AOAH: variants seen among roughly 807,000 people sequenced by gnomAD.
The protein encoded by AOAH is acyloxyacyl hydrolase (neutrophil).
Under a neutral mutation model 92.2 loss-of-function variants are expected in AOAH, and 64 were observed. That is an observed-to-expected ratio of 0.69 (90% CI 0.57 to 0.86). The LOEUF is 0.86. AOAH is among the 40% of genes least tolerant of loss of function. The pLI is 0.00. For missense variants in AOAH, 656 were observed against 694.6 expected, an observed-to-expected ratio of 0.94 and a Z score of 0.62; for synonymous variants, 263 against 254.5, an observed-to-expected ratio of 1.03 and a Z score of -0.32.
chr7:36,665,201 TATTTA>T (rs71553083), intron 3 of AOAH, among the ~76,000 whole-genome samples: 63,327 of 151,684 alleles, frequency 0.42, 13,845 homozygotes, highest in South Asian at 0.53. Context: ...TTTATCTAGT[TATTTA>T]ATTTATTTCA....
At chr7:36,640,757 A>G (rs1793844213) in intron 4 of AOAH, among the ~76,000 whole-genome samples, 4 of 152,166 alleles carry the variant, frequency 2.6e-5, no homozygotes, top group Admixed American at 1.3e-4. Flanking sequence ...CTACCCAACA[A>G]TAAAGTGAAT....
intron 3 of AOAH, among the ~76,000 whole-genome samples, chr7:36,667,351 C>T (rs74767288): frequency 6.6e-6 from 1 of 152,174 alleles, no homozygotes; most frequent in African/African-American, 2.4e-5. Flanking sequence ...CACTCAGTAG[C>T]CTTCTCAGTT....
rs73346026 is a variant in AOAH, at chr7:36,724,052, G to A, written c.97C>T (p.Pro33Ser). Residue 33 changes from proline to serine, a missense_variant, in exon 1 of 21, where the codon CCC (proline) becomes TCC (serine). By Grantham distance (74) the Pro-to-Ser change is moderately conservative. Transcript: ENST00000617537. ...CAGGTGTGCCCATTCGAGAGGCTGG[G>A]CCTGGACTGGTCATCGTTGGCTGGA... is the stretch of plus-strand genomic sequence containing the variant. ...ASPANDDQSRPSLSNGHTCVG... is the reference protein window; with the variant it reads ...ASPANDDQSRSSLSNGHTCVG... 2,379 of 1,613,688 alleles carry A rather than the reference G, an allele frequency of 1.5e-3. 32 individuals carry two copies. The African/African-American group carries it at 0.028, about 19-fold the overall frequency.
chr7:36,683,293 T>C (rs921310473), intron 2 of AOAH, among the ~76,000 whole-genome samples: 1 of 152,206 alleles, frequency 6.6e-6, no homozygotes, highest in South Asian at 2.1e-4. Flanking sequence ...TGAGCCCTTC[T>C]GGAGGAATGA....
chr7:36,554,257 T>C (rs1382169673), intron 13 of AOAH, among the ~76,000 whole-genome samples: 2 of 152,240 alleles, frequency 1.3e-5, no homozygotes, highest in Non-Finnish European at 2.9e-5. Flanking sequence ...TCCCCATTGC[T>C]TGTTTTTCTC....
intron 15 of AOAH, among the ~76,000 whole-genome samples, chr7:36,548,135 CAA>C (rs1390346767): frequency 6.6e-6 from 1 of 152,138 alleles, no homozygotes; most frequent in African/African-American, 2.4e-5. Flanking sequence ...CAGATATTTT[CAA>C]AAGAGGCTTT....
chr7:36,522,062 C>T lies in AOAH; in HGVS notation c.1576G>A (p.Val526Met), dbSNP rs896206611. Residue 526 changes from valine to methionine, a missense_variant, in exon 20 of 21, where the codon GTG becomes ATG. Coordinates refer to ENST00000617537, the MANE Select transcript of AOAH (RefSeq NM_001637.4). ...GGQPWQLIEP[V>M]DGFHPNEVAL... Reference sequence around the variant, plus strand: ...ACCTCGTTGGGGTGGAATCCATCCACGGGCTCGATGAGCTGCCAGGGCTGT... The same window carrying T: ...ACCTCGTTGGGGTGGAATCCATCCATGGGCTCGATGAGCTGCCAGGGCTGT... The T allele has an allele frequency of 8.1e-6, 13 of 1,614,076 alleles. No individual in the cohort carries two copies. The African/African-American group carries it at 9.3e-5, about 12-fold the overall frequency.
chr7:36,532,360 G>A lies in AOAH; in HGVS notation c.1307-16C>T, dbSNP rs1460723695. 6.2e-7 allele frequency: 1 copy of A among 1,612,916 alleles called. No homozygotes were observed. Among genetic ancestry groups the A allele is most frequent in the South Asian group, 1.1e-5 (1 of 91,024 alleles). Reference sequence around the variant, plus strand: ...TTTAGCTGGCCTGGAAAACAGAGAGGTCTGGTAGATTGCATCCACTCGGCA... The same window carrying A: ...TTTAGCTGGCCTGGAAAACAGAGAGATCTGGTAGATTGCATCCACTCGGCA... On this transcript the variant is annotated splice_polypyrimidine_tract_variant and intron_variant, in intron 16 of 20. Transcript: ENST00000617537.
intron 4 of AOAH, among the ~76,000 whole-genome samples, chr7:36,648,763 T>C (rs1041985988): frequency 2.0e-5 from 3 of 152,134 alleles, no homozygotes; most frequent in Admixed American, 2.0e-4. Context: ...AGTAATCCAG[T>C]GTTTTACCAC....
intron 4 of AOAH, among the ~76,000 whole-genome samples, chr7:36,649,611 G>A (rs188547654): frequency 1.7e-3 from 258 of 152,336 alleles, no homozygotes; most frequent in Non-Finnish European, 2.8e-3. Context: ...TGATCGGGAT[G>A]TAAACCCAGG....
Position 36,516,430 on chromosome 7 carries a change from G to T in AOAH, c.1600-3050C>A, listed in dbSNP as rs1349708463. ...CCACACACACCCCCACAGAAAGCACGCAGATACCCCCCCCACACACACAGA... is the reference window on the plus strand; with the variant it reads ...CCACACACACCCCCACAGAAAGCACTCAGATACCCCCCCCACACACACAGA... On this transcript the variant is annotated intron_variant, in intron 20 of 20. Coordinates refer to ENST00000617537, the MANE Select transcript of AOAH (RefSeq NM_001637.4). This position sits in a 1 kb window ranked among gnomAD's most constrained non-coding sequence, Gnocchi z 5.0. Among the ~76,000 whole-genome samples the T allele has an allele frequency of 1.3e-5, 1 of 75,958 alleles. No individual in the cohort carries two copies. Among genetic ancestry groups the T allele is most frequent in the Non-Finnish European group, 2.5e-5 (1 of 39,538 alleles). 49.8% of individuals were successfully genotyped at this position (75,958 alleles called of 152,430 possible). A position where few individuals can be genotyped will look rare whatever the true frequency, so the allele number is the denominator to read the frequency against.
intron 6 of AOAH, 60 bp downstream of exon 6, chr7:36,631,976 G>C: frequency 7.5e-7 from 1 of 1,337,450 alleles, no homozygotes; most frequent in Non-Finnish European, 1.0e-6. Context: ...TTAGAAAAGG[G>C]GGACAAGCAA....
intron 2 of AOAH, among the ~76,000 whole-genome samples, chr7:36,681,828 G>A (rs897155746): frequency 5.9e-5 from 9 of 152,014 alleles, no homozygotes; most frequent in African/African-American, 2.2e-4. Flanking sequence ...ATAAATAAGA[G>A]TACCTGAATA....
At chr7:36,528,953 G>A (rs372039494) in intron 19 of AOAH, among the ~76,000 whole-genome samples, 1 of 152,098 alleles carries the variant, frequency 6.6e-6, no homozygotes, top group African/African-American at 2.4e-5. Context: ...AGTAGGGCCT[G>A]GAATTCTGCA....
intron 1 of AOAH, among the ~76,000 whole-genome samples, chr7:36,693,212 A>G (rs1797517712): frequency 6.6e-6 from 1 of 152,210 alleles, no homozygotes; most frequent in Non-Finnish European, 1.5e-5. Context: ...AATTTGAAAA[A>G]CTACAAACTT....
chr7:36,653,689 AC>A (rs1193806861), intron 4 of AOAH, among the ~76,000 whole-genome samples: 1 of 152,136 alleles, frequency 6.6e-6, no homozygotes, highest in Non-Finnish European at 1.5e-5. Context: ...AATAAGGAGA[AC>A]CTCTCTCCAC....
chr7:36,517,224 C>CTTTTTCTCTTTCTTTCTT (rs1229778638), intron 20 of AOAH, among the ~76,000 whole-genome samples: 1 of 47,588 alleles, frequency 2.1e-5, no homozygotes, highest in African/African-American at 5.1e-5. Context: ...CTCTTTCTTT[C>CTTTTTCTCTTTCTTTCTT]TGTCTCTCTC....
intron 13 of AOAH, among the ~76,000 whole-genome samples, chr7:36,571,248 T>C (rs1467624814): frequency 6.6e-6 from 1 of 152,020 alleles, no homozygotes; most frequent in East Asian, 1.9e-4. Context: ...CCCCCCTGGG[T>C]CTCCCCAGCT....
intron 1 of AOAH, among the ~76,000 whole-genome samples, chr7:36,703,970 G>A (rs542334512): frequency 1.8e-4 from 28 of 152,106 alleles, no homozygotes; most frequent in South Asian, 4.1e-4. Context: ...CTCCAGCATC[G>A]GTTGTTTCCT....
Sources: gnomAD v4.1 joint callset for allele counts (sites outside exome capture counted in the v4.1 genomes callset) on GRCh38, gnomAD v4.1.1 for gene constraint, Gnocchi (gnomAD v3.1) non-coding constraint, MANE v1.5 for transcripts, NCBI Gene and HGNC (gene_info 2026-07-23, HGNC 2026-07-21) for gene names.